The following SPON1 variants were observed in gnomAD, a reference collection of about 807,000 sequenced individuals.
SPON1 encodes the protein spondin 1.
In SPON1, 52 loss-of-function variants were observed where a neutral mutation model predicts 111.7. The ratio of observed to expected loss-of-function variants is 0.47; its 90% CI spans 0.37 to 0.59. The LOEUF is 0.59. Among genes scored for constraint, SPON1 ranks in the 20% least tolerant of loss-of-function variants. The probability of loss-of-function intolerance (pLI) is 0.00; values close to 1 mark genes in which losing one functional copy is unlikely to be tolerated. For synonymous variants in SPON1, 410 were observed against 395.8 expected, an observed-to-expected ratio of 1.04 and a Z score of -0.43; for missense variants, 957 against 1,068.5, an observed-to-expected ratio of 0.90 and a Z score of 1.46.
intron 6 of SPON1, among the ~76,000 whole-genome samples, chr11:14,219,382 T>A (rs1298037458): frequency 6.6e-6 from 1 of 152,126 alleles, no homozygotes; most frequent in Non-Finnish European, 1.5e-5. Context: ...GTAGACAGTA[T>A]GTAGTGGGTT....
intron 6 of SPON1, among the ~76,000 whole-genome samples, chr11:14,164,233 A>T (rs1487782756): frequency 3.3e-5 from 5 of 152,196 alleles, no homozygotes; most frequent in African/African-American, 1.2e-4. Context: ...AACTCACGGG[A>T]AGTCCATGGA....
At chr11:14,131,148 T>G (rs1847524218) in intron 5 of SPON1, among the ~76,000 whole-genome samples, 1 of 152,226 alleles carries the variant, frequency 6.6e-6, no homozygotes, top group African/African-American at 2.4e-5. Context: ...ATCTAATTTC[T>G]TTGTTTCTAG....
rs1848948523 is a variant in SPON1, at chr11:14,079,963, G to A, written c.618G>A (p.Lys206=). 1 of 1,613,930 alleles carries A rather than the reference G, an allele frequency of 6.2e-7. No homozygotes were observed. Reference sequence around the variant, plus strand: ...ACTGCTGTGCCTGCGGAACTGCCAAGTACAGACTCACATTTTATGGGAATT... The same window carrying A: ...ACTGCTGTGCCTGCGGAACTGCCAAATACAGACTCACATTTTATGGGAATT... ...ILDCCACGTA[K]YRLTFYGNWS... The change falls in exon 5 of 16, where the codon AAG becomes AAA. Residue 206 remains lysine, a synonymous_variant. Coordinates refer to ENST00000576479, the MANE Select transcript of SPON1 (RefSeq NM_006108.4).
intron 1 of SPON1, among the ~76,000 whole-genome samples, chr11:13,967,254 C>A (rs1383643159): frequency 1.3e-5 from 2 of 152,254 alleles, no homozygotes; most frequent in African/African-American, 4.8e-5. Context: ...ACTCAGCTAC[C>A]CTCAGCCTTC....
intron 1 of SPON1, among the ~76,000 whole-genome samples, chr11:13,967,402 A>G (rs1554908134): frequency 6.6e-6 from 1 of 152,140 alleles, no homozygotes; most frequent in Non-Finnish European, 1.5e-5. Context: ...GTTTTCTCTT[A>G]TTGGCTTCAG....
At chr11:14,243,281 T>A in intron 6 of SPON1, 51 bp from the exon 7 acceptor site, 1 of 1,521,684 alleles carries the variant, frequency 6.6e-7, no homozygotes, top group South Asian at 1.2e-5. Context: ...AGCCCTATTG[T>A]TCCCATGAGC....
chr11:14,233,386 T>C (rs1554938939), intron 6 of SPON1, among the ~76,000 whole-genome samples: 3 of 152,108 alleles, frequency 2.0e-5, no homozygotes, highest in African/African-American at 7.2e-5. Context: ...CCCACTCCAG[T>C]TACTTTCCCT....
At chr11:14,102,260 A>G (rs547212061) in intron 5 of SPON1, among the ~76,000 whole-genome samples, 6 of 152,202 alleles carry the variant, frequency 3.9e-5, no homozygotes, top group Non-Finnish European at 8.8e-5. Flanking sequence ...AATATGAGCC[A>G]CGTATGTAAT....
intron 6 of SPON1, among the ~76,000 whole-genome samples, chr11:14,152,972 T>C (rs1237691908): frequency 1.3e-5 from 2 of 152,122 alleles, no homozygotes; most frequent in African/African-American, 4.8e-5. Context: ...CAAGTACATA[T>C]AATACACAAA....
chr11:13,968,119 G>T (rs1382247104), intron 1 of SPON1, among the ~76,000 whole-genome samples: 1 of 152,154 alleles, frequency 6.6e-6, no homozygotes, highest in African/African-American at 2.4e-5. Context: ...CTGTCCATTT[G>T]CTTGTTATAC....
intron 6 of SPON1, among the ~76,000 whole-genome samples, chr11:14,206,335 AG>A (rs1165824280): frequency 6.6e-6 from 1 of 152,152 alleles, no homozygotes; most frequent in African/African-American, 2.4e-5. Context: ...CTGGGACTAC[AG>A]GTGCACACTA....
At chr11:13,963,927 C>G (rs1297791096) in intron 1 of SPON1, among the ~76,000 whole-genome samples, 1 of 152,186 alleles carries the variant, frequency 6.6e-6, no homozygotes, top group Non-Finnish European at 1.5e-5. Flanking sequence ...CCCTGGAGGC[C>G]GGGGAACCTT....
In SPON1 at chr11:14,122,193, G is replaced by C. The variant is rs192813926; in HGVS notation, c.677-13227G>C. ...TTTTTTTTATTTATTTATTTATTTT[G>C]AGATGGAGTCTTGCTCTGTCGCCCA... On this transcript the variant is annotated intron_variant, in intron 5 of 15. Transcript: ENST00000576479. 7.2e-4 allele frequency among the ~76,000 whole-genome samples: 109 copies of C among 152,002 alleles called. 1 individual carries two copies. Among genetic ancestry groups the C allele is most frequent in the Middle Eastern group, 3.4e-3 (1 of 294 alleles).
At chr11:14,208,772 A>C in intron 6 of SPON1, among the ~76,000 whole-genome samples, 1 of 152,278 alleles carries the variant, frequency 6.6e-6, no homozygotes, top group African/African-American at 2.4e-5. Context: ...ATATAACCAA[A>C]TTGTCATGTA....
chr11:14,256,019 G>T (rs782273041), intron 9 of SPON1, among the ~76,000 whole-genome samples: 12 of 152,130 alleles, frequency 7.9e-5, no homozygotes, highest in Non-Finnish European at 1.8e-4. Context: ...GTCCAAGGTG[G>T]GCAGATCACC....
intron 4 of SPON1, among the ~76,000 whole-genome samples, chr11:14,076,555 C>CA (rs1440010646): frequency 6.6e-6 from 1 of 152,212 alleles, no homozygotes; most frequent in Admixed American, 6.5e-5. Flanking sequence ...GGGCCTGACA[C>CA]AAAAAATTTA....
At chr11:14,125,897 T>G (rs1847454260) in intron 5 of SPON1, among the ~76,000 whole-genome samples, 1 of 152,140 alleles carries the variant, frequency 6.6e-6, no homozygotes, top group Non-Finnish European at 1.5e-5. Flanking sequence ...AGTCTCAGTG[T>G]GAAGGCCTGG....
chr11:14,264,438 G>T (rs1334089077), intron 15 of SPON1, among the ~76,000 whole-genome samples: 1 of 152,210 alleles, frequency 6.6e-6, no homozygotes, highest in East Asian at 1.9e-4. Flanking sequence ...GCCTGCCAGG[G>T]ACTTCAGTGC....
chr11:14,077,612 G>A (rs2133830979), intron 4 of SPON1, among the ~76,000 whole-genome samples: 1 of 151,736 alleles, frequency 6.6e-6, no homozygotes, highest in East Asian at 2.0e-4. Context: ...ATTTTTAGTA[G>A]AGATGGGGTT....
Sources: gnomAD v4.1 joint callset for allele counts (sites outside exome capture counted in the v4.1 genomes callset) on GRCh38, gnomAD v4.1.1 for gene constraint, MANE v1.5 for transcripts, NCBI Gene and HGNC (gene_info 2026-07-23, HGNC 2026-07-21) for gene names.